Variants in AUTS2 observed in about 807,000 individuals in gnomAD.
AUTS2 encodes the protein activator of transcription and developmental regulator AUTS2.
A neutral mutation model predicts 112.4 loss-of-function variants in AUTS2; 17 were observed. That is an observed-to-expected ratio of 0.15 (90% CI 0.10 to 0.23). AUTS2 has a LOEUF of 0.23. AUTS2 is among the 10% of genes least tolerant of loss of function. The pLI is 1.00. For missense variants in AUTS2, 1,510 were observed against 1,701.6 expected (o/e 0.89, Z 1.98); for synonymous variants, 751 against 702.7 (o/e 1.07, Z -1.09).
chr7:70,695,592 G>A (rs1356241009), intron 5 of AUTS2, among the ~76,000 whole-genome samples: 2 of 152,226 alleles, frequency 1.3e-5, no homozygotes, highest in African/African-American at 4.8e-5. Context: ...GGCGGCCCCC[G>A]GGGTCTGCGT....
intron 6 of AUTS2, among the ~76,000 whole-genome samples, chr7:70,713,895 CAA>C (rs60280924): frequency 1.2e-3 from 175 of 143,680 alleles, no homozygotes; most frequent in South Asian, 1.8e-3. Flanking sequence ...GACTCCGTCT[CAA>C]AAAAAAAAAA....
chr7:69,643,645 C>A (rs968598183), intron 1 of AUTS2, among the ~76,000 whole-genome samples: 5 of 152,052 alleles, frequency 3.3e-5, no homozygotes, highest in African/African-American at 4.8e-5. Context: ...AACCCCCCAC[C>A]CCGCCCCCAG....
intron 5 of AUTS2, among the ~76,000 whole-genome samples, chr7:70,554,867 G>A (rs1023502801): frequency 6.6e-6 from 1 of 152,206 alleles, no homozygotes; most frequent in Non-Finnish European, 1.5e-5. Context: ...CACATTGGAC[G>A]GTTGGCCTCC....
At chr7:69,646,875 A>G (rs1372158000) in intron 1 of AUTS2, among the ~76,000 whole-genome samples, 1 of 152,182 alleles carries the variant, frequency 6.6e-6, no homozygotes, top group Non-Finnish European at 1.5e-5. Flanking sequence ...TCACGAGATC[A>G]GGAGATCGAG....
At chr7:70,574,387 C>T (rs1474712913) in intron 5 of AUTS2, among the ~76,000 whole-genome samples, 1 of 152,096 alleles carries the variant, frequency 6.6e-6, no homozygotes, top group Non-Finnish European at 1.5e-5. Flanking sequence ...GAGTTTCTAC[C>T]CGTATGTCTT....
intron 1 of AUTS2, among the ~76,000 whole-genome samples, chr7:69,706,731 T>G (rs1348157861): frequency 6.6e-6 from 1 of 152,212 alleles, no homozygotes; most frequent in East Asian, 1.9e-4. Context: ...TCAGGTAATT[T>G]ATTAAATGGA....
At chr7:70,619,377 G>T (rs566789222) in intron 5 of AUTS2, among the ~76,000 whole-genome samples, 1 of 152,062 alleles carries the variant, frequency 6.6e-6, no homozygotes, top group Non-Finnish European at 1.5e-5. Flanking sequence ...GCGTGCAGCC[G>T]CTTCCTTTTT....
intron 2 of AUTS2, among the ~76,000 whole-genome samples, chr7:69,908,866 T>A (rs1191697502): frequency 6.6e-6 from 1 of 152,186 alleles, no homozygotes; most frequent in Non-Finnish European, 1.5e-5. Flanking sequence ...ATAATGTTTC[T>A]CAAAGGGTGG....
intron 2 of AUTS2, among the ~76,000 whole-genome samples, chr7:70,018,606 A>T (rs1800136277): frequency 6.6e-6 from 1 of 152,226 alleles, no homozygotes; most frequent in Non-Finnish European, 1.5e-5. Flanking sequence ...ACTATTTCAC[A>T]ATCCGATTCC....
intron 5 of AUTS2, among the ~76,000 whole-genome samples, chr7:70,512,789 AT>A (rs1047447740): frequency 6.6e-6 from 1 of 151,084 alleles, no homozygotes; most frequent in Non-Finnish European, 1.5e-5. Context: ...ACCAGAGGAA[AT>A]TTTTTTTTAA....
intron 4 of AUTS2, among the ~76,000 whole-genome samples, chr7:70,222,879 G>A (rs1439404735): frequency 6.6e-6 from 1 of 150,486 alleles, no homozygotes; most frequent in African/African-American, 2.5e-5. Context: ...TTCTTGGCTT[G>A]GAAATTTGCT....
intron 4 of AUTS2, among the ~76,000 whole-genome samples, chr7:70,419,052 G>A (rs1475694003): frequency 1.3e-5 from 2 of 152,060 alleles, no homozygotes; most frequent in Non-Finnish European, 2.9e-5. Context: ...TGAACCTGTG[G>A]GAGGGTATGT....
rs180950302 is a variant in AUTS2, at chr7:70,347,441, A to G, written c.661-88311A>G. On this transcript the variant is annotated intron_variant, in intron 4 of 18. Coordinates refer to ENST00000342771, the MANE Select transcript of AUTS2 (RefSeq NM_015570.4). Reference sequence around the variant, plus strand: ...GCCAAGCATACAGTAGATGCTATTTAATGAAGGTGGGCATGTATGGGTGAA... The same window carrying G: ...GCCAAGCATACAGTAGATGCTATTTGATGAAGGTGGGCATGTATGGGTGAA... 1.7e-3 allele frequency among the ~76,000 whole-genome samples: 252 copies of G among 152,280 alleles called. 4 individuals are homozygous for G. The highest frequency in any genetic ancestry group is 0.012 in the Admixed American group (182 of 15,292).
intron 2 of AUTS2, among the ~76,000 whole-genome samples, chr7:70,085,763 GT>G (rs2129566072): frequency 6.6e-6 from 1 of 152,228 alleles, no homozygotes; most frequent in African/African-American, 2.4e-5. Flanking sequence ...TCAAAAATCA[GT>G]TGTTTATTTA....
chr7:70,710,948 C>A (rs902023483), intron 6 of AUTS2, among the ~76,000 whole-genome samples: 3 of 152,366 alleles, frequency 2.0e-5, no homozygotes, highest in Admixed American at 1.3e-4. Flanking sequence ...TGTTAGACAT[C>A]AAATCAGTTT....
In AUTS2 at chr7:69,900,399, G is replaced by A. The variant is rs185105614; in HGVS notation, c.522+901G>A. On this transcript the variant is annotated intron_variant, in intron 2 of 18. Coordinates refer to ENST00000342771, the MANE Select transcript of AUTS2 (RefSeq NM_015570.4). ...TTAGAGGTGGAATAGGTAATTTTTGGTTTGCAGATGTTTCTCTGCAGAGGC... is the reference window on the plus strand; with the variant it reads ...TTAGAGGTGGAATAGGTAATTTTTGATTTGCAGATGTTTCTCTGCAGAGGC... Among the ~76,000 whole-genome samples the A allele has an allele frequency of 5.8e-3, 888 of 152,306 alleles. 6 individuals carry two copies. The highest frequency in any genetic ancestry group is 7.8e-3 in the Non-Finnish European group (533 of 68,032).
Position 70,790,738 on chromosome 7 carries a change from C to T in AUTS2, c.3522C>T (p.Ser1174=), listed in dbSNP as rs1362770896. 8 of 1,613,606 alleles carry T rather than the reference C, an allele frequency of 5.0e-6. No individual in the cohort carries two copies. The East Asian group carries it at 1.8e-4, about 36-fold the overall frequency. The stretch of plus-strand genomic sequence containing the variant: ...GGCTCCACTCCGTGCACCCCGCCTC[C>T]CTCGACGGACACCTCCCCCACCCCA... ...HTRLHSVHPA[S]LDGHLPHPSL... Residue 1174 remains serine, a synonymous_variant, in exon 19 of 19, where the codon TCC becomes TCT. Coordinates refer to ENST00000342771, the MANE Select transcript of AUTS2 (RefSeq NM_015570.4). The surrounding 1 kb of genome is among the most constrained non-coding windows in gnomAD (Gnocchi z 7.6).
At chr7:70,049,295 A>G (rs1031381330) in intron 2 of AUTS2, among the ~76,000 whole-genome samples, 1 of 152,084 alleles carries the variant, frequency 6.6e-6, no homozygotes, top group Non-Finnish European at 1.5e-5. Context: ...GGAAGTATAT[A>G]TCTTACTTTT....
intron 1 of AUTS2, among the ~76,000 whole-genome samples, chr7:69,732,238 C>T (rs1786830164): frequency 6.6e-6 from 1 of 152,154 alleles, no homozygotes; most frequent in Non-Finnish European, 1.5e-5. Context: ...CCTCCCTCCC[C>T]TTTGGTATTC....
Sources: allele counts gnomAD v4.1 joint callset (sites outside exome capture counted in the v4.1 genomes callset), GRCh38; gene constraint gnomAD v4.1.1; non-coding constraint Gnocchi (gnomAD v3.1); transcripts MANE v1.5; gene names NCBI Gene and HGNC (gene_info 2026-07-23, HGNC 2026-07-21).